Variants in RTL1 observed in about 807,000 individuals in gnomAD.
RTL1 encodes the protein retrotransposon Gag like 1, also known as retrotransposon-like protein 1.
For synonymous variants in RTL1, 727 were observed against 748.4 expected (o/e 0.97, Z 0.47); for missense variants, 1,681 against 1,767.5 (o/e 0.95, Z 0.88).
chr14:100,883,030 G>T lies in RTL1; in HGVS notation c.1759C>A (p.Leu587Ile), dbSNP rs2038641290. 1.2e-6 allele frequency: 2 copies of T among 1,614,044 alleles called. No individual in the cohort carries two copies. The highest frequency in any genetic ancestry group is 1.7e-6 in the Non-Finnish European group (2 of 1,180,052). The change falls in exon 4 of 4, where the codon CTT (leucine) becomes ATT (isoleucine). Residue 587 changes from leucine to isoleucine, a missense_variant. Coordinates refer to ENST00000649591, the MANE Select transcript of RTL1 (RefSeq NM_001134888.3). This position sits in a 1 kb window ranked among gnomAD's most constrained non-coding sequence, Gnocchi z 5.9. Reference protein sequence around the residue: ...DQPSSDGSDDLSESEPSELQQ... With the variant: ...DQPSSDGSDDISESEPSELQQ... The stretch of plus-strand genomic sequence containing the variant: ...AGCTCAGAGGGCTCTGATTCAGAAA[G>T]ATCATCGGATCCGTCTGAGCTTGGC...
chr14:100,890,168 C>A (rs527250999), intron 3 of RTL1, among the ~76,000 whole-genome samples: 6 of 152,076 alleles, frequency 3.9e-5, no homozygotes, highest in South Asian at 4.2e-4. Context: ...CCTCTTCCCC[C>A]CAACACTCAA....
chr14:100,900,832 A>G (rs1043492232), intron 2 of RTL1, among the ~76,000 whole-genome samples: 1 of 152,184 alleles, frequency 6.6e-6, no homozygotes, highest in Non-Finnish European at 1.5e-5. Flanking sequence ...TATGTAAATG[A>G]CACATGTAAA....
In RTL1 at chr14:100,881,447, C is replaced by T. The variant is rs1477975880; in HGVS notation, c.3342G>A (p.Arg1114=). 1 of 1,550,804 alleles carries T rather than the reference C, an allele frequency of 6.4e-7. No homozygotes were observed. Among genetic ancestry groups the T allele is most frequent in the Admixed American group, 2.0e-5 (1 of 50,988 alleles). Residue 1114 remains arginine (R), a synonymous_variant, in exon 4 of 4, where the codon CGG becomes CGA. Coordinates refer to ENST00000649591, the MANE Select transcript of RTL1 (RefSeq NM_001134888.3). This position sits in a 1 kb window ranked among gnomAD's most constrained non-coding sequence, Gnocchi z 6.6. ...AGCGCTGGGGCTGGGGCCGAGCCAC[C>T]CGCATGGCGGGTGCCGGCCGCAGCG... ...CLSLRPAPAM[R]VARPQPQRSL...
chr14:100,885,177 G>A (rs2038680888), intron 3 of RTL1, among the ~76,000 whole-genome samples: 1 of 152,228 alleles, frequency 6.6e-6, no homozygotes, highest in Non-Finnish European at 1.5e-5. Context: ...CAGCCACCGT[G>A]GCAGGCGGGT....
chr14:100,887,277 G>C (rs1016414794), intron 3 of RTL1, among the ~76,000 whole-genome samples: 1 of 152,030 alleles, frequency 6.6e-6, no homozygotes, highest in Admixed American at 6.6e-5. Context: ...AAATAAAAAG[G>C]TCACTCTCCC....
rs543164570 is a variant in RTL1 at position 100,879,956 on chromosome 14, T to G, written c.*756A>C. On this transcript the variant is annotated 3_prime_UTR_variant, in exon 4 of 4. Coordinates refer to ENST00000649591, the MANE Select transcript of RTL1 (RefSeq NM_001134888.3). ...CCCTGCACCCCTGCACTGTCCAGTGTTCAGTGTTGGGAGGGAAAGGCGCCC... is the reference window on the plus strand; with the variant it reads ...CCCTGCACCCCTGCACTGTCCAGTGGTCAGTGTTGGGAGGGAAAGGCGCCC... Among the ~76,000 whole-genome samples, 1 of 151,752 alleles carries G rather than the reference T, an allele frequency of 6.6e-6. No individual in the cohort carries two copies. Among genetic ancestry groups the G allele is most frequent in the Admixed American group, 6.5e-5 (1 of 15,278 alleles).
At position 100,883,060 on chromosome 14, in the gene RTL1, C is replaced by T. The variant is rs1424273138; in HGVS notation, c.1729G>A (p.Asp577Asn). The change falls in exon 4 of 4, where the codon GAC becomes AAC. Residue 577 changes from aspartate (D) to asparagine (N), a missense_variant. Coordinates refer to ENST00000649591, the MANE Select transcript of RTL1 (RefSeq NM_001134888.3). The surrounding 1 kb of genome is among the most constrained non-coding windows in gnomAD (Gnocchi z 5.9). Reference sequence around the variant, plus strand: ...TCGGATCCGTCTGAGCTTGGCTGGTCGGAAGTCTCATCATCTGCTTCCTTC... The same window carrying T: ...TCGGATCCGTCTGAGCTTGGCTGGTTGGAAGTCTCATCATCTGCTTCCTTC... ...NPKEADDETS[D>N]QPSSDGSDDL... 1 of 1,614,086 alleles carries T rather than the reference C, an allele frequency of 6.2e-7. No homozygotes were observed. Among genetic ancestry groups the T allele is most frequent in the Non-Finnish European group, 8.5e-7 (1 of 1,180,022 alleles).
intron 3 of RTL1, among the ~76,000 whole-genome samples, chr14:100,892,654 A>G (rs561558454): frequency 1.6e-3 from 240 of 152,276 alleles, no homozygotes; most frequent in African/African-American, 5.6e-3. Context: ...CTCCTCTGGA[A>G]CCATAATTAT....
chr14:100,883,306 C>A lies in RTL1; in HGVS notation c.1483G>T (p.Val495Leu). 2 of 1,551,176 alleles carry A rather than the reference C, an allele frequency of 1.3e-6. No homozygotes were observed. The highest frequency in any genetic ancestry group is 2.4e-5 in the South Asian group (2 of 83,994). Residue 495 changes from valine to leucine, a missense_variant, in exon 4 of 4, where the codon GTA becomes TTA. Physicochemically the swap from Val to Leu is conservative, Grantham distance 32. Transcript: ENST00000649591. The surrounding 1 kb of genome is among the most constrained non-coding windows in gnomAD (Gnocchi z 5.9). ...NHQESIEFDI[V>L]PSPNFSVVLG... ...ACCACAGAGAAGTTCGGTGAAGGTA[C>A]GATGTCAAATTCGATGGACTCCTGG...
rs373498099 is a variant in RTL1, at chr14:100,881,274, C to T, written c.3515G>A (p.Arg1172His). 128 of 1,550,084 alleles carry T rather than the reference C, an allele frequency of 8.3e-5. No individual in the cohort carries two copies. Among genetic ancestry groups the T allele is most frequent in the Non-Finnish European group, 9.5e-5 (109 of 1,146,844 alleles). Residue 1172 changes from arginine (R) to histidine (H), a missense_variant, in exon 4 of 4, where the codon CGC (arginine) becomes CAC (histidine). Physicochemically the swap from Arg to His is conservative, Grantham distance 29. Coordinates refer to ENST00000649591, the MANE Select transcript of RTL1 (RefSeq NM_001134888.3). This position sits in a 1 kb window ranked among gnomAD's most constrained non-coding sequence, Gnocchi z 6.6. ...GGAGTGCAGAGCATTTCGCTGCCAG[C>T]GGCCAGGGCCCAGGAACAGCTCAGC... ...ELAELFLGPGRWQRNALHSQA... is the reference protein window; with the variant it reads ...ELAELFLGPGHWQRNALHSQA...
intron 2 of RTL1, among the ~76,000 whole-genome samples, chr14:100,894,517 C>T (rs1169077301): frequency 2.0e-5 from 3 of 152,268 alleles, no homozygotes; most frequent in South Asian, 2.1e-4. Flanking sequence ...TACACAGCAA[C>T]CCCATGGGGT....
At chr14:100,896,377 G>C (rs1265040572) in intron 2 of RTL1, among the ~76,000 whole-genome samples, 1 of 152,160 alleles carries the variant, frequency 6.6e-6, no homozygotes, top group Non-Finnish European at 1.5e-5. Context: ...TTAGTGATCT[G>C]TGCGGATGGA....
Position 100,883,976 on chromosome 14 carries a change from C to T in RTL1, c.813G>A (p.Leu271=). 6.4e-7 allele frequency: 1 copy of T among 1,551,680 alleles called. No individual in the cohort carries two copies. The highest frequency in any genetic ancestry group is 1.4e-5 in the African/African-American group (1 of 73,164). ...ACTCAAACACTTCGGACATGGCCTC[C>T]AGGAAGGCTGGGAAGTCTCCGATCA... ...SPLIGDFPAF[L]EAMSEVFEYR... The change falls in exon 4 of 4, where the codon CTG becomes CTA. Residue 271 remains leucine (L), a synonymous_variant. Transcript: ENST00000649591. The surrounding 1 kb of genome is among the most constrained non-coding windows in gnomAD (Gnocchi z 5.9).
At chr14:100,897,689 C>G (rs1022860472) in intron 2 of RTL1, 1 of 234,138 alleles carries the variant, frequency 4.3e-6, no homozygotes, top group East Asian at 1.1e-4. Context: ...GCTGTACACA[C>G]CAGAGTTTAT....
intron 2 of RTL1, among the ~76,000 whole-genome samples, chr14:100,895,220 A>G (rs1221354695): frequency 6.6e-6 from 1 of 152,166 alleles, no homozygotes; most frequent in African/African-American, 2.4e-5. Context: ...TGATATACAG[A>G]TGTGCGTGGG....
chr14:100,881,001 T>C lies in RTL1; in HGVS notation c.3788A>G (p.Asp1263Gly). The part of the protein sequence containing the change: ...QDTSQDKQDN[D>G]VQEAPPSHTA... ...GTGGCTGGGTGGGGCCTCCTGCACG[T>C]CGTTGTCCTGCTTGTCCTGCGAGGT... Residue 1263 changes from aspartate (D) to glycine (G), a missense_variant, in exon 4 of 4, where the codon GAC becomes GGC. Coordinates refer to ENST00000649591, the MANE Select transcript of RTL1 (RefSeq NM_001134888.3). This position sits in a 1 kb window ranked among gnomAD's most constrained non-coding sequence, Gnocchi z 6.6. 1 of 1,571,508 alleles carries C rather than the reference T, an allele frequency of 6.4e-7. No individual in the cohort carries two copies. The highest frequency in any genetic ancestry group is 1.2e-5 in the South Asian group (1 of 85,512).
rs1166234437 is a variant in RTL1, at chr14:100,883,678, G to T, written c.1111C>A (p.Pro371Thr). The change falls in exon 4 of 4, where the codon CCC becomes ACC. Residue 371 changes from proline (P) to threonine (T), a missense_variant. Coordinates refer to ENST00000649591, the MANE Select transcript of RTL1 (RefSeq NM_001134888.3). The surrounding 1 kb of genome is among the most constrained non-coding windows in gnomAD (Gnocchi z 5.9). ...LAERRAMLRLPPEARPRNLTW... is the reference protein window; with the variant it reads ...LAERRAMLRLTPEARPRNLTW... ...AGGTTCCGGGGGCGGGCCTCGGGGG[G>T]CAGCCTGAGCATAGCTCTTCTCTCT... The T allele has an allele frequency of 1.9e-6, 3 of 1,551,400 alleles. No individual in the cohort carries two copies. In the African/African-American group the frequency reaches 4.1e-5, roughly 21 times the overall value.
chr14:100,882,128 G>A lies in RTL1; in HGVS notation c.2661C>T (p.His887=), dbSNP rs374934560. The A allele has an allele frequency of 1.8e-5, 28 of 1,554,324 alleles. No homozygotes were observed. Among genetic ancestry groups the A allele is most frequent in the Admixed American group, 9.8e-5 (5 of 51,206 alleles). ...GGTCGTCGATTTGGATCAGGGAGGC[G>A]TGCAGGGCCGTGCCGGTGACGCCGG... is the stretch of plus-strand genomic sequence containing the variant. ...LETGVTGTAL[H]ASLIQIDDQT... is the part of the protein sequence containing the mutation. The change falls in exon 4 of 4, where the codon CAC becomes CAT. Residue 887 remains histidine, a synonymous_variant. Transcript: ENST00000649591.
rs372251588 is a variant in RTL1 at position 100,882,508 on chromosome 14, C to T, written c.2281G>A (p.Val761Ile). The T allele has an allele frequency of 1.3e-6, 2 of 1,551,836 alleles. No individual in the cohort carries two copies. Among genetic ancestry groups the T allele is most frequent in the Non-Finnish European group, 1.7e-6 (2 of 1,147,096 alleles). The stretch of plus-strand genomic sequence containing the variant: ...TGGCTCTTGTCCAGGGAGCAGTAGA[C>T]GTTGTGATGGCGGAAGCGGACCAGG... ...QVLVRFRHHN[V>I]YCSLDKSQFH... The change falls in exon 4 of 4, where the codon GTC (valine) becomes ATC (isoleucine). Residue 761 changes from valine (V) to isoleucine (I), a missense_variant. Transcript: ENST00000649591.
Sources: allele counts gnomAD v4.1 joint callset (sites outside exome capture counted in the v4.1 genomes callset), GRCh38; gene constraint gnomAD v4.1.1; non-coding constraint Gnocchi (gnomAD v3.1); transcripts MANE v1.5; gene names NCBI Gene and HGNC (gene_info 2026-07-23, HGNC 2026-07-21).